Variants in LIF observed in about 807,000 individuals in gnomAD.
The protein encoded by LIF is leukemia inhibitory factor.
Under a neutral mutation model 15.0 loss-of-function variants are expected in LIF, and 9 were observed. The ratio of observed to expected loss-of-function variants is 0.60; its 90% CI spans 0.36 to 1.04. LIF has a LOEUF of 1.04. Ranked by LOEUF, LIF falls within the 50% of genes least tolerant of loss-of-function variation. The probability of loss-of-function intolerance (pLI) is 0.01; values close to 1 mark genes in which losing one functional copy is unlikely to be tolerated. For synonymous variants in LIF, 122 were observed against 119.7 expected (o/e 1.02, Z -0.13); for missense variants, 240 against 266.7 (o/e 0.90, Z 0.70).
At position 30,242,574 on chromosome 22, in the gene LIF, G is replaced by A. The variant is rs989587955; in HGVS notation, c.*1077C>T. On this transcript the variant is annotated 3_prime_UTR_variant, in exon 3 of 3. Coordinates refer to ENST00000249075, the MANE Select transcript of LIF (RefSeq NM_002309.5). Reference sequence around the variant, plus strand: ...AGCACCAATAAGTTAATATAAATAGGATATCATAATAAATAGAAATCATGC... The same window carrying A: ...AGCACCAATAAGTTAATATAAATAGAATATCATAATAAATAGAAATCATGC... 8 of 152,640 alleles carry A rather than the reference G, an allele frequency of 5.2e-5. No individual in the cohort carries two copies. Among genetic ancestry groups the A allele is most frequent in the Admixed American group, 3.3e-4 (5 of 15,274 alleles). 9.5% of individuals were successfully genotyped at this position (152,640 alleles called of 1,614,324 possible).
intron 1 of LIF, 85 bp from the exon 2 acceptor site, chr22:30,245,018 A>G (rs1050936751): frequency 1.8e-5 from 24 of 1,317,390 alleles, no homozygotes; most frequent in East Asian, 2.4e-5. Flanking sequence ...GGGTCCAACA[A>G]TGGCCGCATG....
rs765504784 is a variant in LIF at position 30,241,685 on chromosome 22, GAGA to G, written c.*1963_*1965del. Reference sequence around the variant, plus strand: ...GAGGCCGGCAGCCCGCTCAGGGTTTGAGAAGAAGCCAGAACACTGCTCTGAGCA... The same window carrying G: ...GAGGCCGGCAGCCCGCTCAGGGTTTGAGAAGCCAGAACACTGCTCTGAGCA... On this transcript the variant is annotated 3_prime_UTR_variant, in exon 3 of 3. Transcript: ENST00000249075. This position sits in a 1 kb window ranked among gnomAD's most constrained non-coding sequence, Gnocchi z 4.4. The G allele has an allele frequency of 2.0e-5, 3 of 152,692 alleles. No individual in the cohort carries two copies. Among genetic ancestry groups the G allele is most frequent in the Non-Finnish European group, 4.4e-5 (3 of 68,122 alleles). The allele number at this position is 152,692 out of a possible 1,614,324, so 9.5% of individuals were successfully genotyped here. A position where few individuals can be genotyped will look rare whatever the true frequency, so the allele number is the denominator to read the frequency against.
rs1928677626 is a variant in LIF at position 30,241,757 on chromosome 22, C to T, written c.*1894G>A. 1 of 152,520 alleles carries T rather than the reference C, an allele frequency of 6.6e-6. No individual in the cohort carries two copies. Among genetic ancestry groups the T allele is most frequent in the African/African-American group, 2.4e-5 (1 of 41,456 alleles). 9.4% of individuals were successfully genotyped at this position (152,520 alleles called of 1,614,324 possible). The stretch of plus-strand genomic sequence containing the variant: ...CCTCCTTCCCTCCCCTGCTCTCAGA[C>T]TGGAGGGCGTTTCTCCACTCGCCTG... On this transcript the variant is annotated 3_prime_UTR_variant, in exon 3 of 3. Transcript: ENST00000249075. This position sits in a 1 kb window ranked among gnomAD's most constrained non-coding sequence, Gnocchi z 4.4.
rs28429160 is a variant in LIF at position 30,246,409 on chromosome 22, G to C, written c.19+268C>G. ...GTGTCCGGAGCGAGGAGGAGGAGGA[G>C]GAGAAGGAGAGGGGGAAGAAGAGGA... is the stretch of plus-strand genomic sequence containing the variant. On this transcript the variant is annotated intron_variant, in intron 1 of 2. Transcript: ENST00000249075. 7.3e-4 allele frequency: 802 copies of C among 1,100,660 alleles called. 9 individuals carry two copies. In the African/African-American group the frequency reaches 0.012, roughly 17 times the overall value. 68.2% of individuals were successfully genotyped at this position (1,100,660 alleles called of 1,614,324 possible). A position where few individuals can be genotyped will look rare whatever the true frequency, so the allele number is the denominator to read the frequency against.
At chr22:30,245,971 C>T (rs1928872403) in intron 1 of LIF, among the ~76,000 whole-genome samples, 1 of 152,220 alleles carries the variant, frequency 6.6e-6, no homozygotes, top group Admixed American at 6.5e-5. Context: ...TGCAGAAGGG[C>T]ACCTGAAGAT....
Position 30,243,584 on chromosome 22 carries a change from A to C in LIF, c.*67T>G. The C allele has an allele frequency of 1.2e-6, 2 of 1,602,968 alleles. No individual in the cohort carries two copies. The highest frequency in any genetic ancestry group is 2.2e-5 in the South Asian group (2 of 90,754). On this transcript the variant is annotated 3_prime_UTR_variant, in exon 3 of 3. Transcript: ENST00000249075. The surrounding 1 kb of genome is among the most constrained non-coding windows in gnomAD (Gnocchi z 6.0). Reference sequence around the variant, plus strand: ...TGCCCTGGGCCCCAGCCACCCTTGGACAGGCCCCCACATCTGGACCCAACT... The same window carrying C: ...TGCCCTGGGCCCCAGCCACCCTTGGCCAGGCCCCCACATCTGGACCCAACT...
chr22:30,246,721 G>C lies in LIF; in HGVS notation c.-26C>G. Reference sequence around the variant, plus strand: ...TATGGGCTGCACTTCAGAGGGCCTTGGAGGAAACCTCAGATGCCGGCAGTT... The same window carrying C: ...TATGGGCTGCACTTCAGAGGGCCTTCGAGGAAACCTCAGATGCCGGCAGTT... On this transcript the variant is annotated 5_prime_UTR_variant, in exon 1 of 3. Coordinates refer to ENST00000249075, the MANE Select transcript of LIF (RefSeq NM_002309.5). The C allele has an allele frequency of 6.4e-7, 1 of 1,554,232 alleles. No individual in the cohort carries two copies. The highest frequency in any genetic ancestry group is 2.4e-5 in the East Asian group (1 of 41,334).
intron 2 of LIF, 100 bp from the exon 3 acceptor site, chr22:30,244,161 C>T (rs1210333447): frequency 1.4e-5 from 16 of 1,154,894 alleles, no homozygotes; most frequent in Middle Eastern, 2.6e-4. Flanking sequence ...CCCCATCTAG[C>T]GCATGAGGAC....
chr22:30,243,970 G>A lies in LIF; in HGVS notation c.290C>T (p.Thr97Met), dbSNP rs371771485. 54 of 1,613,980 alleles carry A rather than the reference G, an allele frequency of 3.3e-5. No individual in the cohort carries two copies. Among genetic ancestry groups the A allele is most frequent in the Non-Finnish European group, 1.3e-5 (15 of 1,180,012 alleles). ...CAGCTCCACCAGCTTGGCCTTCTCC[G>A]TGCCGTTGGCGTGGAAGGGCGGGAA... is the stretch of plus-strand genomic sequence containing the variant. ...TDFPPFHANG[T>M]EKAKLVELYR... is the part of the protein sequence containing the mutation. Residue 97 changes from threonine to methionine, a missense_variant, in exon 3 of 3, where the codon ACG becomes ATG. Physicochemically the swap from Thr to Met is moderately conservative, Grantham distance 81. Transcript: ENST00000249075. The surrounding 1 kb of genome is among the most constrained non-coding windows in gnomAD (Gnocchi z 6.0).
intron 1 of LIF, among the ~76,000 whole-genome samples, chr22:30,245,428 TG>T (rs932230291): frequency 1.3e-5 from 2 of 152,134 alleles, no homozygotes; most frequent in African/African-American, 4.8e-5. Flanking sequence ...CAGGCACCCA[TG>T]GGGGCCACGG....
intron 1 of LIF, 88 bp from the exon 2 acceptor site, chr22:30,245,021 G>T: frequency 7.6e-7 from 1 of 1,310,096 alleles, no homozygotes; most frequent in South Asian, 1.2e-5. Context: ...TCCAACAATG[G>T]CCGCATGGGA....
intron 2 of LIF, 48 bp downstream of exon 2, chr22:30,244,707 C>G: frequency 3.2e-6 from 5 of 1,562,942 alleles, no homozygotes; most frequent in Non-Finnish European, 4.4e-6. Context: ...ATGATATTTA[C>G]AAGCCCCCTC....
rs1224584962 is a variant in LIF at position 30,242,529 on chromosome 22, G to A, written c.*1122C>T. 6.5e-6 allele frequency: 1 copy of A among 152,700 alleles called. No individual in the cohort carries two copies. The highest frequency in any genetic ancestry group is 1.5e-5 in the Non-Finnish European group (1 of 68,018). The allele number at this position is 152,700 out of a possible 1,614,324, so 9.5% of individuals were successfully genotyped here. ...TGTTGAGTAGGGACCAGGGAAAGGG[G>A]AATTAACTTGGCCACTGAAAGCACC... On this transcript the variant is annotated 3_prime_UTR_variant, in exon 3 of 3. Coordinates refer to ENST00000249075, the MANE Select transcript of LIF (RefSeq NM_002309.5).
Position 30,244,935 on chromosome 22 carries a change from T to C in LIF, c.20-2A>G. 1 of 1,613,888 alleles carries C rather than the reference T, an allele frequency of 6.2e-7. No homozygotes were observed. The highest frequency in any genetic ancestry group is 8.5e-7 in the Non-Finnish European group (1 of 1,179,916). Reference sequence around the variant, plus strand: ...GAACCAACAGCAGGGGCACAACTCCTGGGGACAGTCAGGAAGAAGCCATGA... The same window carrying C: ...GAACCAACAGCAGGGGCACAACTCCCGGGGACAGTCAGGAAGAAGCCATGA... On this transcript the variant is annotated splice_acceptor_variant, in intron 1 of 2. Coordinates refer to ENST00000249075, the MANE Select transcript of LIF (RefSeq NM_002309.5). LOFTEE classifies it high-confidence loss of function.
At position 30,243,878 on chromosome 22, in the gene LIF, G is replaced by T; in HGVS notation, c.382C>A (p.Pro128Thr). The T allele has an allele frequency of 6.2e-7, 1 of 1,614,254 alleles. No individual in the cohort carries two copies. Among genetic ancestry groups the T allele is most frequent in the Non-Finnish European group, 8.5e-7 (1 of 1,180,044 alleles). The change falls in exon 3 of 3, where the codon CCC becomes ACC. Residue 128 changes from proline (P) to threonine (T), a missense_variant. Coordinates refer to ENST00000249075, the MANE Select transcript of LIF (RefSeq NM_002309.5). The surrounding 1 kb of genome is among the most constrained non-coding windows in gnomAD (Gnocchi z 6.0). ...TTGCTGTGGAGGCTGAGGGCACTGGGGTTGAGGATCTTCTGGTCCCGGGTG... is the reference window on the plus strand; with the variant it reads ...TTGCTGTGGAGGCTGAGGGCACTGGTGTTGAGGATCTTCTGGTCCCGGGTG... ...NITRDQKILN[P>T]SALSLHSKLN...
At position 30,243,397 on chromosome 22, in the gene LIF, G is replaced by A. The variant is rs1170195229; in HGVS notation, c.*254C>T. On this transcript the variant is annotated 3_prime_UTR_variant, in exon 3 of 3. Coordinates refer to ENST00000249075, the MANE Select transcript of LIF (RefSeq NM_002309.5). The surrounding 1 kb of genome is among the most constrained non-coding windows in gnomAD (Gnocchi z 6.0). ...AAGTAGAGGCAGAAGTCCAGCCCAC[G>A]CTCCCCAGTCCACAATCTCCCAGAG... The A allele has an allele frequency of 6.9e-6, 4 of 576,822 alleles. No homozygotes were observed. Among genetic ancestry groups the A allele is most frequent in the Non-Finnish European group, 9.3e-6 (3 of 322,328 alleles). 35.7% of individuals were successfully genotyped at this position (576,822 alleles called of 1,614,324 possible).
At chr22:30,245,437 C>T (rs1394832307) in intron 1 of LIF, among the ~76,000 whole-genome samples, 1 of 152,188 alleles carries the variant, frequency 6.6e-6, no homozygotes, top group Non-Finnish European at 1.5e-5. Context: ...ATGGGGGCCA[C>T]GGGGCATGGG....
chr22:30,244,203 G>T (rs1378703714), intron 2 of LIF, 142 bp from the exon 3 acceptor site: 2 of 769,926 alleles, frequency 2.6e-6, no homozygotes, highest in Admixed American at 2.9e-5. Flanking sequence ...ATCTGGAATT[G>T]TCATGAGAGC....
At chr22:30,246,613 G>T (rs1275020266) in intron 1 of LIF, 64 bp downstream of exon 1, 1 of 1,532,194 alleles carries the variant, frequency 6.5e-7, no homozygotes, top group South Asian at 1.2e-5. Context: ...GCTGCCAAGC[G>T]CCCCAAGTTG....
Sources: gnomAD v4.1 joint callset for allele counts (sites outside exome capture counted in the v4.1 genomes callset) on GRCh38, gnomAD v4.1.1 for gene constraint, Gnocchi (gnomAD v3.1) non-coding constraint, MANE v1.5 for transcripts, NCBI Gene and HGNC (gene_info 2026-07-23, HGNC 2026-07-21) for gene names.